Variants in ZFHX3 observed in about 807,000 individuals in gnomAD.
ZFHX3 encodes zinc finger homeobox protein 3.
ZFHX3 carries 42 observed loss-of-function variants against 279.1 expected under a neutral mutation model. The ratio of observed to expected loss-of-function variants is 0.15; its 90% confidence interval spans 0.12 to 0.19. The LOEUF is 0.19. ZFHX3 is among the 10% of genes least tolerant of loss of function. The pLI, the probability that ZFHX3 is intolerant of heterozygous loss-of-function variation, is 1.00. For missense variants in ZFHX3, 4,981 were observed against 4,754.0 expected, an observed-to-expected ratio of 1.05 and a Z score of -1.40; for synonymous variants, 2,293 against 1,957.8, an observed-to-expected ratio of 1.17 and a Z score of -4.52.
chr16:72,869,969 C>T (rs1353946854), intron 4 of ZFHX3, among the ~76,000 whole-genome samples: 1 of 152,166 alleles, frequency 6.6e-6, no homozygotes, highest in East Asian at 1.9e-4. Context: ...TTTGGCATTT[C>T]TACCAAAATA....
intron 4 of ZFHX3, among the ~76,000 whole-genome samples, chr16:73,262,867 T>C (rs924169384): frequency 2.0e-5 from 3 of 152,196 alleles, no homozygotes; most frequent in East Asian, 3.9e-4. Flanking sequence ...AGAGACTACA[T>C]GGAGCAGAGA....
At chr16:73,214,843 CT>C (rs386385051) in intron 5 of ZFHX3, among the ~76,000 whole-genome samples, 1,628 of 78,976 alleles carry the variant, frequency 0.021, 7 homozygotes, top group African/African-American at 0.064. Flanking sequence ...TGCTGAAGGC[CT>C]TTTTTTTTTT....
intron 1 of ZFHX3, among the ~76,000 whole-genome samples, chr16:73,754,006 GTAAAATC>G (rs1567398981): frequency 8.6e-5 from 13 of 151,972 alleles, no homozygotes; most frequent in Non-Finnish European, 1.6e-4. Context: ...GTGTGTGTGT[GTAAAATC>G]TGATTCAATT....
intron 4 of ZFHX3, chr16:73,318,235 C>G (rs879647103): frequency 1.8e-4 from 27 of 152,112 alleles, no homozygotes; most frequent in African/African-American, 6.5e-4. Context: ...ATATCAGAGC[C>G]CTACCTGCTG....
intron 1 of ZFHX3, among the ~76,000 whole-genome samples, chr16:73,045,049 T>A (rs902650388): frequency 6.6e-6 from 1 of 152,234 alleles, no homozygotes; most frequent in Non-Finnish European, 1.5e-5. Flanking sequence ...CTGTTACAAC[T>A]CTGCAATAAA....
intron 1 of ZFHX3, among the ~76,000 whole-genome samples, chr16:73,787,335 A>C (rs1567410466): frequency 6.6e-6 from 1 of 152,234 alleles, no homozygotes; most frequent in East Asian, 1.9e-4. Flanking sequence ...ACACACTGTG[A>C]TTAAAATGCA....
intron 1 of ZFHX3, among the ~76,000 whole-genome samples, chr16:73,807,620 A>ATTTTTTTTTTTTT (rs55806545): frequency 3.7e-4 from 26 of 70,576 alleles, no homozygotes; most frequent in African/African-American, 1.3e-3. Flanking sequence ...CCATGCCCCA[A>ATTTTTTTTTTTTT]TTTTTTTTTT....
At chr16:73,030,307 T>C (rs117217430) in intron 1 of ZFHX3, among the ~76,000 whole-genome samples, 3,503 of 152,266 alleles carry the variant, frequency 0.023, 65 homozygotes, top group East Asian at 0.091. Flanking sequence ...ACAGATCCCA[T>C]ATAAGGAGTT....
chr16:73,210,723 A>G (rs993340754), intron 5 of ZFHX3, among the ~76,000 whole-genome samples: 33 of 152,316 alleles, frequency 2.2e-4, no homozygotes, highest in African/African-American at 7.7e-4. Context: ...TAGTGTCACA[A>G]TTAATCCTCT....
chr16:73,236,274 A>G lies in ZFHX3; in HGVS notation c.-1104+20773T>C, dbSNP rs568023122. On this transcript the variant is annotated intron_variant, in intron 5 of 17. Coordinates refer to the ZFHX3 transcript ENST00000641206. ...GCCCTGTGGTCAACATCATTTTAGC[A>G]GGCATGATGTAATGCCATCTTTCTT... 1.6e-4 allele frequency among the ~76,000 whole-genome samples: 24 copies of G among 152,322 alleles called. No individual in the cohort carries two copies. The South Asian group carries it at 5.0e-3, about 32-fold the overall frequency.
At chr16:72,887,107 T>C (rs1024478704) in intron 4 of ZFHX3, among the ~76,000 whole-genome samples, 1 of 152,214 alleles carries the variant, frequency 6.6e-6, no homozygotes, top group South Asian at 2.1e-4. Flanking sequence ...TCTTGAATTG[T>C]GGTCTATCCC....
chr16:72,960,278 G>T, intron 1 of ZFHX3, 84 bp from the exon 2 acceptor site: 1 of 1,144,844 alleles, frequency 8.7e-7, no homozygotes, highest in Non-Finnish European at 1.2e-6. Flanking sequence ...CGAGGCTGAG[G>T]TCCTACCGCA....
intron 3 of ZFHX3, among the ~76,000 whole-genome samples, chr16:72,892,658 C>T (rs1418992922): frequency 6.6e-6 from 1 of 152,058 alleles, no homozygotes; most frequent in Non-Finnish European, 1.5e-5. Flanking sequence ...CAGGCATAAG[C>T]CACCACACCT....
intron 3 of ZFHX3, among the ~76,000 whole-genome samples, chr16:73,453,994 C>T (rs2018327382): frequency 6.6e-6 from 1 of 152,126 alleles, no homozygotes; most frequent in South Asian, 2.1e-4. Flanking sequence ...AACAGCCAAA[C>T]CGTATCAGTG....
intron 2 of ZFHX3, among the ~76,000 whole-genome samples, chr16:73,510,322 G>A (rs996407124): frequency 6.6e-6 from 1 of 151,990 alleles, no homozygotes; most frequent in African/African-American, 2.4e-5. Flanking sequence ...CTTGTCTACA[G>A]TGTTTGCCAC....
intron 1 of ZFHX3, among the ~76,000 whole-genome samples, chr16:73,801,461 T>G (rs182487695): frequency 6.6e-6 from 1 of 152,182 alleles, no homozygotes; most frequent in East Asian, 1.9e-4. Context: ...AAAAATTGGT[T>G]TGCAACTAAT....
intron 1 of ZFHX3, among the ~76,000 whole-genome samples, chr16:73,768,171 G>T (rs1168387905): frequency 1.3e-5 from 2 of 152,154 alleles, no homozygotes; most frequent in Non-Finnish European, 2.9e-5. Context: ...TTGATCCAAA[G>T]ACTGTGTTCC....
chr16:72,953,614 A>G (rs531482715), intron 2 of ZFHX3, among the ~76,000 whole-genome samples: 1 of 151,220 alleles, frequency 6.6e-6, no homozygotes, highest in East Asian at 2.0e-4. Flanking sequence ...TTTTTTTTCA[A>G]GAGACAAGGT....
intron 1 of ZFHX3, among the ~76,000 whole-genome samples, chr16:73,766,336 G>A (rs556457160): frequency 1.4e-3 from 207 of 152,124 alleles, no homozygotes; most frequent in African/African-American, 4.7e-3. Flanking sequence ...TTTCTTCTGC[G>A]AAATAAATGG....
Sources: gnomAD v4.1 joint callset for allele counts (sites outside exome capture counted in the v4.1 genomes callset) on GRCh38, gnomAD v4.1.1 for gene constraint, MANE v1.5 for transcripts, NCBI Gene and HGNC (gene_info 2026-07-23, HGNC 2026-07-21) for gene names.